Variants in DRC8 observed in about 807,000 individuals in gnomAD.
DRC8 encodes the protein dynein regulatory complex protein 8.
At chr1:245,063,717 G>A in the DRC8 span, among the ~76,000 whole-genome samples, 1 of 152,146 alleles carries the variant, frequency 6.6e-6, no homozygotes, top group Non-Finnish European at 1.5e-5. Context: ...GGGTAACAGA[G>A]CCAGATCTCA....
chr1:244,976,233 C>T, the DRC8 span, among the ~76,000 whole-genome samples: 12 of 152,212 alleles, frequency 7.9e-5, no homozygotes, highest in African/African-American at 2.9e-4. Flanking sequence ...CGCAGCATTG[C>T]ACTCCAGCCC....
the DRC8 span, among the ~76,000 whole-genome samples, chr1:245,018,045 G>A: frequency 6.6e-6 from 1 of 151,944 alleles, no homozygotes; most frequent in African/African-American, 2.4e-5. Context: ...TGACCAACAT[G>A]GTGAAACTCT....
At chr1:245,109,873 C>T in the DRC8 span, among the ~76,000 whole-genome samples, 2 of 152,224 alleles carry the variant, frequency 1.3e-5, no homozygotes, top group East Asian at 3.8e-4. Flanking sequence ...TGTCCTTGCT[C>T]CTTCTCACCT....
chr1:245,108,270 G>C, the DRC8 span, among the ~76,000 whole-genome samples: 2 of 152,094 alleles, frequency 1.3e-5, no homozygotes, highest in Non-Finnish European at 2.9e-5. Flanking sequence ...TACTTACTGA[G>C]ACTGCTGAGG....
chr1:245,048,910 C>T, the DRC8 span, among the ~76,000 whole-genome samples: 289 of 152,092 alleles, frequency 1.9e-3, 3 homozygotes, highest in Non-Finnish European at 1.5e-3. Context: ...TCAAGTGGTC[C>T]TCCCACCCCA....
chr1:245,108,423 G>C, the DRC8 span, among the ~76,000 whole-genome samples: 3 of 152,126 alleles, frequency 2.0e-5, no homozygotes, highest in African/African-American at 7.2e-5. Context: ...ATTGTTTCCG[G>C]GTTATCCCTT....
chr1:245,066,525 A>C, the DRC8 span, among the ~76,000 whole-genome samples: 1 of 152,230 alleles, frequency 6.6e-6, no homozygotes, highest in Non-Finnish European at 1.5e-5. Flanking sequence ...AGAGGATAAA[A>C]GAATTAGAGG....
At chr1:244,995,080 C>T in the DRC8 span, among the ~76,000 whole-genome samples, 3 of 151,902 alleles carry the variant, frequency 2.0e-5, no homozygotes, top group South Asian at 2.1e-4. Context: ...GACAGGTTCT[C>T]GGCCGGGCGC....
the DRC8 span, among the ~76,000 whole-genome samples, chr1:244,983,421 CA>C: frequency 1.3e-5 from 2 of 152,016 alleles, no homozygotes; most frequent in Non-Finnish European, 2.9e-5. Flanking sequence ...TAGGTTGGTG[CA>C]AAAGTAATTG....
the DRC8 span, among the ~76,000 whole-genome samples, chr1:245,116,220 G>A: frequency 2.6e-5 from 4 of 151,782 alleles, no homozygotes; most frequent in African/African-American, 9.7e-5. Flanking sequence ...AAAAAAAAAA[G>A]AAAGAAAATT....
At chr1:245,076,849 C>T in the DRC8 span, among the ~76,000 whole-genome samples, 1 of 152,088 alleles carries the variant, frequency 6.6e-6, no homozygotes, top group Non-Finnish European at 1.5e-5. Flanking sequence ...GCCTCAGCCT[C>T]CCGAGTAGCT....
chr1:245,108,621 C>T, the DRC8 span, among the ~76,000 whole-genome samples: 1 of 152,206 alleles, frequency 6.6e-6, no homozygotes, highest in Admixed American at 6.5e-5. Context: ...CAGCCTTTCA[C>T]TGAGACATTC....
chr1:245,031,988 A>G, the DRC8 span, among the ~76,000 whole-genome samples: 8,967 of 152,278 alleles, frequency 0.059, 313 homozygotes, highest in African/African-American at 0.1. Context: ...GGTAGGGGTT[A>G]GTAACTAGTG....
the DRC8 span, among the ~76,000 whole-genome samples, chr1:245,049,609 T>C: frequency 5.3e-5 from 8 of 151,618 alleles, no homozygotes; most frequent in African/African-American, 1.9e-4. This position sits in a 1 kb window ranked among gnomAD's most constrained non-coding sequence, Gnocchi z 4.5. Flanking sequence ...TAAGAAAAAA[T>C]CATCAACAAC....
the DRC8 span, among the ~76,000 whole-genome samples, chr1:245,006,956 C>G: frequency 9.8e-6 from 1 of 102,152 alleles, no homozygotes. Context: ...ACAACAACAA[C>G]AACAACAACA....
At chr1:244,982,717 A>G in the DRC8 span, among the ~76,000 whole-genome samples, 2 of 152,184 alleles carry the variant, frequency 1.3e-5, no homozygotes, top group African/African-American at 4.8e-5. Context: ...ACCATGGGAT[A>G]ATTTAAAAGG....
At chr1:244,974,301 A>G in the DRC8 span, among the ~76,000 whole-genome samples, 1 of 152,228 alleles carries the variant, frequency 6.6e-6, no homozygotes, top group African/African-American at 2.4e-5. Flanking sequence ...CACGTCTAGG[A>G]AACAAACTGC....
At chr1:245,009,948 C>T in the DRC8 span, among the ~76,000 whole-genome samples, 1 of 152,004 alleles carries the variant, frequency 6.6e-6, no homozygotes, top group Admixed American at 6.6e-5. Context: ...GCAACCTCTG[C>T]CTCCCAGGTT....
the DRC8 span, among the ~76,000 whole-genome samples, chr1:245,089,041 G>A: frequency 0.35 from 53,282 of 152,020 alleles, 9,685 homozygotes; most frequent in Middle Eastern, 0.43. The surrounding 1 kb of genome is among the most constrained non-coding windows in gnomAD (Gnocchi z 4.8). Flanking sequence ...AAGCAGCATG[G>A]AAAATAGATT....
Sources: gnomAD v4.1 joint callset for allele counts (sites outside exome capture counted in the v4.1 genomes callset) on GRCh38, gnomAD v4.1.1 for gene constraint, Gnocchi (gnomAD v3.1) non-coding constraint, MANE v1.5 for transcripts, NCBI Gene and HGNC (gene_info 2026-07-23, HGNC 2026-07-21) for gene names.